DPEP1: variants seen among roughly 807,000 people sequenced by gnomAD.
DPEP1 encodes beta-lactamase.
DPEP1 carries 50 observed loss-of-function variants against 42.3 expected under a neutral mutation model. That is an observed-to-expected ratio of 1.18 (90% CI 0.94 to 1.50). DPEP1 has a LOEUF of 1.50. Ranked by LOEUF, DPEP1 falls within the 40% of genes most tolerant of loss-of-function variation. DPEP1 has a pLI of 0.00. For synonymous variants in DPEP1, 297 were observed against 234.0 expected, an observed-to-expected ratio of 1.27 and a Z score of -2.46; for missense variants, 663 against 553.0, an observed-to-expected ratio of 1.20 and a Z score of -1.99.
chr16:89,638,025 G>A, intron 10 of DPEP1, 27 bp from the exon 11 acceptor site: 1 of 1,610,558 alleles, frequency 6.2e-7, no homozygotes, highest in South Asian at 1.1e-5. Flanking sequence ...CAGGCAGGCT[G>A]CCCCACCCGT....
At chr16:89,619,932 GC>G (rs1473728225) in intron 1 of DPEP1, among the ~76,000 whole-genome samples, 1 of 131,074 alleles carries the variant, frequency 7.6e-6, no homozygotes, top group East Asian at 2.2e-4. Context: ...CCTGTGACTA[GC>G]CCAGCAGCAG....
chr16:89,641,492 G>C (rs944644591), downstream of DPEP1, among the ~76,000 whole-genome samples: 1 of 152,200 alleles, frequency 6.6e-6, no homozygotes, highest in African/African-American at 2.4e-5. Flanking sequence ...TATAATTGTA[G>C]AGCAAGGATT....
intron 8 of DPEP1, 36 bp downstream of exon 8, chr16:89,637,588 G>T: frequency 6.2e-7 from 1 of 1,612,872 alleles, no homozygotes; most frequent in African/African-American, 1.3e-5. Context: ...GGGCCGAAGG[G>T]GGAGGGCCTC....
intron 1 of DPEP1, among the ~76,000 whole-genome samples, chr16:89,624,048 C>G (rs1693061863): frequency 6.6e-6 from 1 of 152,108 alleles, no homozygotes; most frequent in Non-Finnish European, 1.5e-5. Flanking sequence ...ACAAAGGTTT[C>G]CCGCCCAAAG....
At chr16:89,625,926 C>A (rs756358154) in intron 1 of DPEP1, among the ~76,000 whole-genome samples, 9 of 152,222 alleles carry the variant, frequency 5.9e-5, no homozygotes, top group Non-Finnish European at 1.2e-4. Flanking sequence ...CCTACCAGGA[C>A]ACGGGGCCCT....
intron 1 of DPEP1, among the ~76,000 whole-genome samples, chr16:89,616,338 G>A (rs769113763): frequency 6.6e-5 from 10 of 152,176 alleles, no homozygotes; most frequent in Non-Finnish European, 1.2e-4. Context: ...GGGCTGACCG[G>A]GCACAGTTTC....
intron 1 of DPEP1, among the ~76,000 whole-genome samples, chr16:89,628,231 A>ATTTC (rs1202426374): frequency 6.5e-5 from 8 of 122,300 alleles, no homozygotes; most frequent in Admixed American, 4.2e-4. Flanking sequence ...CACAAAAGGT[A>ATTTC]TTTCTTTCTT....
At chr16:89,639,116 T>C (rs1354757696), downstream of DPEP1, among the ~76,000 whole-genome samples, 5 of 4,928 alleles carry the variant, frequency 1.0e-3, no homozygotes, top group Non-Finnish European at 1.1e-3. Context: ...CCCCTGCACA[T>C]TCACATCCCA....
chr16:89,613,494 C>G (rs993086189), upstream of DPEP1: 1 of 152,510 alleles, frequency 6.6e-6, no homozygotes, highest in Non-Finnish European at 1.5e-5. Context: ...CTTCCGACCC[C>G]TGGCCCTTTC....
At chr16:89,615,412 G>T (rs1476627167) in intron 1 of DPEP1, among the ~76,000 whole-genome samples, 1 of 152,216 alleles carries the variant, frequency 6.6e-6, no homozygotes, top group East Asian at 1.9e-4. Context: ...CCTGTGTCCT[G>T]TGCGTACATC....
chr16:89,624,412 G>A (rs1437957700), intron 1 of DPEP1, among the ~76,000 whole-genome samples: 1 of 152,180 alleles, frequency 6.6e-6, no homozygotes, highest in Non-Finnish European at 1.5e-5. Flanking sequence ...GAACAAAGAA[G>A]TGGACAAAAC....
At chr16:89,621,914 G>A (rs2059451293) in intron 1 of DPEP1, among the ~76,000 whole-genome samples, 1 of 152,190 alleles carries the variant, frequency 6.6e-6, no homozygotes, top group Admixed American at 6.5e-5. Flanking sequence ...TGCCTGTGCA[G>A]AAGTGGTATC....
At chr16:89,621,660 C>T (rs1299680765) in intron 1 of DPEP1, among the ~76,000 whole-genome samples, 2 of 152,208 alleles carry the variant, frequency 1.3e-5, no homozygotes, top group East Asian at 1.9e-4. Flanking sequence ...TCCCGTCCCT[C>T]GCACATGCAA....
intron 1 of DPEP1, among the ~76,000 whole-genome samples, chr16:89,622,775 C>G (rs2059461761): frequency 6.8e-6 from 1 of 147,716 alleles, no homozygotes. Context: ...CACAGTGAGA[C>G]TCTGTCTCAA....
intron 1 of DPEP1, among the ~76,000 whole-genome samples, chr16:89,617,985 C>G (rs576236667): frequency 6.6e-6 from 1 of 152,144 alleles, no homozygotes; most frequent in African/African-American, 2.4e-5. Context: ...GATTGTGCCC[C>G]TGCACTCCAT....
intron 2 of DPEP1, among the ~76,000 whole-genome samples, chr16:89,631,115 A>C (rs2059582175): frequency 1.3e-5 from 2 of 151,910 alleles, no homozygotes; most frequent in Admixed American, 1.3e-4. Context: ...GTGGCACCCT[A>C]CAGGCCCTCT....
chr16:89,624,577 C>T (rs1355169728), intron 1 of DPEP1, among the ~76,000 whole-genome samples: 1 of 151,894 alleles, frequency 6.6e-6, no homozygotes, highest in African/African-American at 2.4e-5. Flanking sequence ...CACCGTCGCC[C>T]GGGCTGGAGT....
At chr16:89,626,292 A>G (rs1364690480) in intron 1 of DPEP1, among the ~76,000 whole-genome samples, 4 of 151,960 alleles carry the variant, frequency 2.6e-5, no homozygotes, top group Non-Finnish European at 5.9e-5. Flanking sequence ...CATTCACCCC[A>G]TGTTCTCGTG....
intron 1 of DPEP1, among the ~76,000 whole-genome samples, chr16:89,628,251 TC>T (rs2054533396): frequency 2.8e-4 from 20 of 72,024 alleles, no homozygotes; most frequent in Admixed American, 2.4e-3. Flanking sequence ...TTCTTTCTTT[TC>T]TTTCTTTTTT....
Sources: allele counts gnomAD v4.1 joint callset (sites outside exome capture counted in the v4.1 genomes callset), GRCh38; gene constraint gnomAD v4.1.1; transcripts MANE v1.5; gene names NCBI Gene and HGNC (gene_info 2026-07-23, HGNC 2026-07-21).